The following NDUFAF6 variants were observed in gnomAD, a reference collection of about 807,000 sequenced individuals.
The protein encoded by NDUFAF6 is NADH:ubiquinone oxidoreductase complex assembly factor 6.
A neutral mutation model predicts 40.8 loss-of-function variants in NDUFAF6; 45 were observed. The ratio of observed to expected loss-of-function variants is 1.10; its 90% CI spans 0.87 to 1.42. The LOEUF (loss-of-function observed/expected upper bound fraction) is 1.42, where lower values mean the gene tolerates loss of function less well. Among genes scored for constraint, NDUFAF6 ranks in the 40% most tolerant of loss-of-function variants. The pLI is 0.00. For missense variants in NDUFAF6, 435 were observed against 418.5 expected (o/e 1.04, Z -0.34); for synonymous variants, 185 against 155.9 (o/e 1.19, Z -1.39).
intron 1 of NDUFAF6, among the ~76,000 whole-genome samples, chr8:94,897,844 T>G (rs547946612): frequency 6.8e-4 from 103 of 152,296 alleles, no homozygotes; most frequent in African/African-American, 2.3e-3. Flanking sequence ...CGGAAATTGT[T>G]TTGTTCATCT....
exon 10 of NDUFAF6, chr8:95,075,731 C>T (rs1211385296): frequency 7.8e-7 from 1 of 1,284,602 alleles, no homozygotes; most frequent in African/African-American, 1.5e-5. Flanking sequence ...GACTCTGGTT[C>T]TAGGCATGCG....
At chr8:95,105,458 C>G (rs948773504), downstream of NDUFAF6, among the ~76,000 whole-genome samples, 1 of 152,094 alleles carries the variant, frequency 6.6e-6, no homozygotes, top group Non-Finnish European at 1.5e-5. Context: ...CTTCTGGACT[C>G]CAGAGATCCT....
In NDUFAF6 at chr8:95,053,723, T is replaced by C. The variant is rs181802999; in HGVS notation, c.873+1493T>C. Among the ~76,000 whole-genome samples, 3 of 151,946 alleles carry C rather than the reference T, an allele frequency of 2.0e-5. No individual in the cohort carries two copies. In the East Asian group the frequency reaches 5.8e-4, roughly 29 times the overall value. ...TCACTGCAGCCTCCGCCTCCCAGGT[T>C]CAAGTGATTCTCAGGCCTCAGTCTC... On this transcript the variant is annotated intron_variant, in intron 8 of 8. Coordinates refer to ENST00000396124, the MANE Select transcript of NDUFAF6 (RefSeq NM_152416.4).
intron 1 of NDUFAF6, among the ~76,000 whole-genome samples, chr8:94,904,206 C>T (rs574373740): frequency 5.0e-4 from 76 of 151,438 alleles, no homozygotes; most frequent in Admixed American, 1.1e-3. Flanking sequence ...TGCAGTGGCG[C>T]GATCTCGGCT....
At chr8:94,915,717 C>T (rs1819086363) in intron 1 of NDUFAF6, among the ~76,000 whole-genome samples, 1 of 152,170 alleles carries the variant, frequency 6.6e-6, no homozygotes, top group South Asian at 2.1e-4. Flanking sequence ...TCTCTGCAGC[C>T]TTGTCAGCAT....
downstream of NDUFAF6, among the ~76,000 whole-genome samples, chr8:95,060,769 C>T (rs555763528): frequency 3.9e-5 from 6 of 152,286 alleles, no homozygotes; most frequent in African/African-American, 1.4e-4. Flanking sequence ...AGTAAACTGC[C>T]AAGTTTAAAA....
At chr8:95,103,913 G>A (rs1047339490), downstream of NDUFAF6, among the ~76,000 whole-genome samples, 1 of 152,142 alleles carries the variant, frequency 6.6e-6, no homozygotes, top group African/African-American at 2.4e-5. Context: ...GATCAACCAG[G>A]GCTTTAACTA....
At chr8:94,920,351 G>T (rs561369614) in intron 1 of NDUFAF6, among the ~76,000 whole-genome samples, 1 of 152,302 alleles carries the variant, frequency 6.6e-6, no homozygotes, top group Admixed American at 6.5e-5. Flanking sequence ...CAAGGTGCAG[G>T]CCAGATTTGG....
chr8:94,999,669 G>A (rs1341454713), intron 2 of NDUFAF6, among the ~76,000 whole-genome samples: 4 of 151,962 alleles, frequency 2.6e-5, no homozygotes, highest in Non-Finnish European at 5.9e-5. Context: ...CACCCACCTC[G>A]GTCTCCCAAA....
chr8:95,039,292 A>C (rs1829881451), intron 3 of NDUFAF6, among the ~76,000 whole-genome samples: 1 of 151,990 alleles, frequency 6.6e-6, no homozygotes, highest in Non-Finnish European at 1.5e-5. Context: ...GTCTCTACTA[A>C]AAATACAAAA....
intron 2 of NDUFAF6, among the ~76,000 whole-genome samples, chr8:95,091,363 G>T (rs1809244785): frequency 2.0e-5 from 3 of 152,042 alleles, no homozygotes; most frequent in Admixed American, 2.0e-4. Context: ...CAGATCTCAT[G>T]AGAACTCGCT....
chr8:95,110,808 A>G (rs1809979145), intron 4 of NDUFAF6, among the ~76,000 whole-genome samples: 1 of 152,220 alleles, frequency 6.6e-6, no homozygotes, highest in South Asian at 2.1e-4. Context: ...TGCTCCATCA[A>G]GGTGTTATTG....
intron 9 of NDUFAF6, among the ~76,000 whole-genome samples, chr8:95,064,065 G>GTT (rs1369326100): frequency 7.6e-6 from 1 of 131,958 alleles, no homozygotes; most frequent in Non-Finnish European, 1.6e-5. Flanking sequence ...TTTTTTTTTG[G>GTT]ATTTTTACTA....
chr8:94,962,979 C>T (rs916169282), intron 1 of NDUFAF6, among the ~76,000 whole-genome samples: 4 of 151,480 alleles, frequency 2.6e-5, no homozygotes, highest in Non-Finnish European at 5.9e-5. Flanking sequence ...TTAGTAGAGA[C>T]GGGGTTTCAC....
At chr8:94,960,839 T>C (rs947512874) in intron 1 of NDUFAF6, among the ~76,000 whole-genome samples, 1 of 152,238 alleles carries the variant, frequency 6.6e-6, no homozygotes, top group Non-Finnish European at 1.5e-5. Context: ...TTGTAACTTT[T>C]CGAACAAACC....
upstream of NDUFAF6, among the ~76,000 whole-genome samples, chr8:95,021,684 C>A (rs970762222): frequency 7.9e-5 from 12 of 152,206 alleles, no homozygotes. Context: ...GGGACAGCAT[C>A]TTTTGTTATA....
At chr8:94,961,097 A>G (rs1219950651) in intron 1 of NDUFAF6, among the ~76,000 whole-genome samples, 1 of 152,228 alleles carries the variant, frequency 6.6e-6, no homozygotes, top group Non-Finnish European at 1.5e-5. Context: ...TGGAATTTTG[A>G]CGAACAATAC....
intron 2 of NDUFAF6, among the ~76,000 whole-genome samples, chr8:95,012,779 G>C (rs1436736390): frequency 1.3e-5 from 2 of 152,038 alleles, no homozygotes; most frequent in Non-Finnish European, 2.9e-5. Context: ...AGTTATGATC[G>C]CGCCACTGCA....
chr8:95,018,168 T>C (rs530397710), intron 2 of NDUFAF6, among the ~76,000 whole-genome samples: 14 of 151,586 alleles, frequency 9.2e-5, no homozygotes, highest in African/African-American at 3.4e-4. Flanking sequence ...AGCCTTTGAG[T>C]AGCTGGGACC....
Sources: allele counts gnomAD v4.1 joint callset (sites outside exome capture counted in the v4.1 genomes callset), GRCh38; gene constraint gnomAD v4.1.1; transcripts MANE v1.5; gene names NCBI Gene and HGNC (gene_info 2026-07-23, HGNC 2026-07-21).